The following PXDNL variants were observed in gnomAD, a reference collection of about 807,000 sequenced individuals.
The protein encoded by PXDNL is probable oxidoreductase PXDNL.
In PXDNL, 145 loss-of-function variants were observed where a neutral mutation model predicts 150.8. That is an observed-to-expected ratio of 0.96 (90% CI 0.84 to 1.10). PXDNL has a LOEUF of 1.10. Among genes scored for constraint, PXDNL ranks in the 50% least tolerant of loss-of-function variants. The pLI, the probability that PXDNL is intolerant of heterozygous loss-of-function variation, is 0.00. For synonymous variants in PXDNL, 757 were observed against 725.7 expected, an observed-to-expected ratio of 1.04 and a Z score of -0.69; for missense variants, 2,087 against 1,873.9, an observed-to-expected ratio of 1.11 and a Z score of -2.10.
chr8:51,617,870 T>C (rs963244279), intron 2 of PXDNL, among the ~76,000 whole-genome samples: 1 of 152,258 alleles, frequency 6.6e-6, no homozygotes, highest in Non-Finnish European at 1.5e-5. Flanking sequence ...AATTGTCCTT[T>C]TCTTTTTCCT....
At chr8:51,706,737 G>A (rs1816387089) in intron 1 of PXDNL, among the ~76,000 whole-genome samples, 1 of 152,150 alleles carries the variant, frequency 6.6e-6, no homozygotes, top group Admixed American at 6.5e-5. Flanking sequence ...GAAAAGCTTA[G>A]ATTTGTCAAA....
chr8:51,601,791 T>C (rs1335179848), intron 2 of PXDNL, among the ~76,000 whole-genome samples: 1 of 148,760 alleles, frequency 6.7e-6, no homozygotes, highest in African/African-American at 2.5e-5. Context: ...GTAGTTTCTA[T>C]TGTGGGTTTT....
At chr8:51,588,948 T>C (rs1184010507) in intron 3 of PXDNL, among the ~76,000 whole-genome samples, 4 of 152,194 alleles carry the variant, frequency 2.6e-5, no homozygotes, top group Non-Finnish European at 1.5e-5. Flanking sequence ...TTCACTGAAA[T>C]TTAATTTCCA....
rs759868736 is a variant in PXDNL, at chr8:51,409,238, CG to C, written c.2385del (p.Asp796ThrfsTer15). Reference sequence around the variant, plus strand: ...ATGAGCATGCGCGTGTAGCTGTGGTCGGGGGTGACGGCCGCCGCGCGCGCCC... The same window carrying C: ...ATGAGCATGCGCGTGTAGCTGTGGTCGGGGTGACGGCCGCCGCGCGCGCCC... ...TVWARAAAVT[P>X]DHSYTRMLMH... On this transcript the variant is annotated frameshift_variant, in exon 17 of 23. Transcript: ENST00000356297. LOFTEE classifies it high-confidence loss of function. 4 of 1,525,096 alleles carry C rather than the reference CG, an allele frequency of 2.6e-6. No individual in the cohort carries two copies. The highest frequency in any genetic ancestry group is 2.1e-5 in the Admixed American group (1 of 47,394). The allele number at this position is 1,525,096 out of a possible 1,614,324, so 94.5% of individuals were successfully genotyped here.
chr8:51,330,312 T>C (rs1177015027), intron 21 of PXDNL, among the ~76,000 whole-genome samples: 2 of 152,108 alleles, frequency 1.3e-5, no homozygotes, highest in Non-Finnish European at 2.9e-5. Flanking sequence ...ATGTCAATAG[T>C]AACTTCCCAA....
intron 2 of PXDNL, among the ~76,000 whole-genome samples, chr8:51,641,135 G>A (rs1814740838): frequency 6.6e-6 from 1 of 151,192 alleles, no homozygotes; most frequent in East Asian, 1.9e-4. Flanking sequence ...ATGGTGCTGG[G>A]AAAACTGGCT....
At chr8:51,514,166 C>A (rs1465034045) in intron 4 of PXDNL, among the ~76,000 whole-genome samples, 1 of 152,148 alleles carries the variant, frequency 6.6e-6, no homozygotes, top group East Asian at 1.9e-4. Flanking sequence ...GAATAAATGG[C>A]TTTTATCTCA....
intron 17 of PXDNL, among the ~76,000 whole-genome samples, chr8:51,386,215 C>G (rs1230131113): frequency 6.6e-6 from 1 of 152,060 alleles, no homozygotes; most frequent in Non-Finnish European, 1.5e-5. Flanking sequence ...GCCTCAGCCT[C>G]CGGAGTAGCT....
At chr8:51,795,576 T>C (rs1197878341) in intron 1 of PXDNL, among the ~76,000 whole-genome samples, 1 of 152,078 alleles carries the variant, frequency 6.6e-6, no homozygotes, top group African/African-American at 2.4e-5. Flanking sequence ...AAGGCAGAAA[T>C]CAAGAAGTTC....
chr8:51,366,678 A>G (rs961434690), intron 19 of PXDNL, among the ~76,000 whole-genome samples: 1 of 152,238 alleles, frequency 6.6e-6, no homozygotes. Flanking sequence ...ACTAAATTAA[A>G]GAAAGCCCTC....
At chr8:51,638,270 G>A (rs1585638479) in intron 2 of PXDNL, among the ~76,000 whole-genome samples, 1 of 152,100 alleles carries the variant, frequency 6.6e-6, no homozygotes, top group East Asian at 1.9e-4. Context: ...AGACCATCGA[G>A]GCTAGGAAGA....
At chr8:51,720,494 A>G (rs2130915072) in intron 1 of PXDNL, among the ~76,000 whole-genome samples, 1 of 152,316 alleles carries the variant, frequency 6.6e-6, no homozygotes, top group Admixed American at 6.5e-5. Context: ...GTGAATAAGT[A>G]TGTTCTTTTT....
chr8:51,368,853 G>T (rs1046948364), intron 19 of PXDNL, among the ~76,000 whole-genome samples: 32 of 151,918 alleles, frequency 2.1e-4, no homozygotes, highest in Admixed American at 1.2e-3. Context: ...AAAATTAGCC[G>T]GGCGCAGTGG....
intron 2 of PXDNL, among the ~76,000 whole-genome samples, chr8:51,634,782 C>T (rs959118341): frequency 6.6e-6 from 1 of 151,958 alleles, no homozygotes; most frequent in Non-Finnish European, 1.5e-5. Flanking sequence ...CCGGTTTGAA[C>T]ATTATTAGTG....
chr8:51,466,208 C>A (rs1003679030), intron 8 of PXDNL, among the ~76,000 whole-genome samples: 1 of 152,168 alleles, frequency 6.6e-6, no homozygotes, highest in South Asian at 2.1e-4. Flanking sequence ...GAAACATAGA[C>A]AAACAGAACA....
intron 19 of PXDNL, among the ~76,000 whole-genome samples, chr8:51,348,780 T>G (rs554304734): frequency 6.6e-6 from 1 of 152,290 alleles, no homozygotes; most frequent in African/African-American, 2.4e-5. Context: ...ATTGTTAACC[T>G]GAGGCACAGA....
chr8:51,583,370 T>G (rs946667717), intron 3 of PXDNL, among the ~76,000 whole-genome samples: 1 of 152,144 alleles, frequency 6.6e-6, no homozygotes, highest in Non-Finnish European at 1.5e-5. Flanking sequence ...TTATCAATCT[T>G]GAAAGGTTGC....
rs1478733446 is a variant in PXDNL at position 51,744,945 on chromosome 8, A to G, written c.164+64236T>C. Among the ~76,000 whole-genome samples the G allele has an allele frequency of 1.2e-3, 7 of 6,034 alleles. No homozygotes were observed. In the Non-Finnish European group the frequency reaches 0.025, roughly 21 times the overall value. The allele number at this position is 6,034 out of a possible 152,430, so 4.0% of individuals were successfully genotyped here. On this transcript the variant is annotated intron_variant, in intron 1 of 22. Transcript: ENST00000356297. ...AAGAAAGAAAAAGAAAGAAAGAAAGAAAGAAAGAAAGAAAGAAAGAAAGAA... is the reference window on the plus strand; with the variant it reads ...AAGAAAGAAAAAGAAAGAAAGAAAGGAAGAAAGAAAGAAAGAAAGAAAGAA...
At chr8:51,771,808 G>A in intron 1 of PXDNL, among the ~76,000 whole-genome samples, 1 of 152,146 alleles carries the variant, frequency 6.6e-6, no homozygotes, top group East Asian at 1.9e-4. Flanking sequence ...TCTGGACCAG[G>A]CGGTGCTGCC....
Sources: allele counts gnomAD v4.1 joint callset (sites outside exome capture counted in the v4.1 genomes callset), GRCh38; gene constraint gnomAD v4.1.1; transcripts MANE v1.5; gene names NCBI Gene and HGNC (gene_info 2026-07-23, HGNC 2026-07-21).